ARHGAP15: variants seen among roughly 807,000 people sequenced by gnomAD.
ARHGAP15 encodes the protein rho GTPase-activating protein 15.
Under a neutral mutation model 63.7 loss-of-function variants are expected in ARHGAP15, and 51 were observed. The ratio of observed to expected loss-of-function variants is 0.80; its 90% confidence interval spans 0.64 to 1.01. The LOEUF (loss-of-function observed/expected upper bound fraction) is 1.01, where lower values mean the gene tolerates loss of function less well. Among genes scored for constraint, ARHGAP15 ranks in the 50% least tolerant of loss-of-function variants. ARHGAP15 has a pLI of 0.00. For missense variants in ARHGAP15, 560 were observed against 564.6 expected (o/e 0.99, Z 0.08); for synonymous variants, 191 against 193.8 (o/e 0.99, Z 0.12).
intron 2 of ARHGAP15, among the ~76,000 whole-genome samples, chr2:143,160,144 C>A (rs1690233401): frequency 6.6e-6 from 1 of 151,850 alleles, no homozygotes; most frequent in African/African-American, 2.4e-5. Flanking sequence ...TTATCTAGCT[C>A]TGTAGTACAG....
At chr2:143,751,535 G>C (rs1355698944) in intron 13 of ARHGAP15, among the ~76,000 whole-genome samples, 1 of 152,148 alleles carries the variant, frequency 6.6e-6, no homozygotes, top group Admixed American at 6.5e-5. Context: ...GATCTTTGAA[G>C]GGGAATCTTT....
intron 1 of ARHGAP15, among the ~76,000 whole-genome samples, chr2:143,137,751 G>A (rs906510170): frequency 6.6e-5 from 10 of 151,996 alleles, no homozygotes; most frequent in Admixed American, 5.9e-4. Flanking sequence ...CTTTAAAAGA[G>A]CTATGGAAGG....
chr2:143,419,464 C>CAAAATGTGGAAACAAT, intron 6 of ARHGAP15, among the ~76,000 whole-genome samples: 1 of 152,086 alleles, frequency 6.6e-6, no homozygotes, highest in African/African-American at 2.4e-5. Flanking sequence ...GTTTATTTAA[C>CAAAATGTGGAAACAAT]TAAATTGTGG....
At chr2:143,230,666 G>A (rs186066984) in intron 5 of ARHGAP15, among the ~76,000 whole-genome samples, 1 of 152,164 alleles carries the variant, frequency 6.6e-6, no homozygotes, top group Non-Finnish European at 1.5e-5. Context: ...GAATTGACTT[G>A]CTAGTCAACT....
At chr2:143,765,586 C>A (rs542109717) in intron 13 of ARHGAP15, among the ~76,000 whole-genome samples, 1 of 152,244 alleles carries the variant, frequency 6.6e-6, no homozygotes, top group Non-Finnish European at 1.5e-5. Flanking sequence ...AATATTCAGT[C>A]TAAATTTGAG....
intron 11 of ARHGAP15, among the ~76,000 whole-genome samples, chr2:143,562,016 A>G (rs768020282): frequency 9.9e-5 from 15 of 152,202 alleles, no homozygotes; most frequent in Non-Finnish European, 1.9e-4. Context: ...AGATATCTTT[A>G]TCTACCCAGA....
intron 6 of ARHGAP15, among the ~76,000 whole-genome samples, chr2:143,425,762 T>A (rs113308666): frequency 2.6e-5 from 4 of 151,918 alleles, no homozygotes; most frequent in South Asian, 2.1e-4. Flanking sequence ...GATAGTTAGT[T>A]TCATTCCTAA....
chr2:143,404,603 AAC>A (rs1163621549), intron 6 of ARHGAP15, among the ~76,000 whole-genome samples: 1 of 151,924 alleles, frequency 6.6e-6, no homozygotes, highest in Non-Finnish European at 1.5e-5. Context: ...ATTTGATTTA[AAC>A]AGTCTTTGTT....
intron 3 of ARHGAP15, among the ~76,000 whole-genome samples, chr2:143,205,097 A>T (rs1692277099): frequency 6.6e-6 from 1 of 151,820 alleles, no homozygotes; most frequent in Admixed American, 6.6e-5. Flanking sequence ...CCCCATCTTT[A>T]CTAAAAATTA....
chr2:143,589,763 GA>G (rs1247117038), intron 11 of ARHGAP15, among the ~76,000 whole-genome samples: 2 of 152,152 alleles, frequency 1.3e-5, no homozygotes, highest in Non-Finnish European at 2.9e-5. Flanking sequence ...CTGTTCAAAA[GA>G]CTTTTGGAGC....
At chr2:143,349,808 A>T (rs16822375) in intron 6 of ARHGAP15, among the ~76,000 whole-genome samples, 18,386 of 152,182 alleles carry the variant, frequency 0.12, 1,495 homozygotes, top group African/African-American at 0.23. Flanking sequence ...ATGGTTGAGC[A>T]AGTGCATTAC....
At chr2:143,342,530 A>G (rs538780234) in intron 6 of ARHGAP15, among the ~76,000 whole-genome samples, 1 of 152,168 alleles carries the variant, frequency 6.6e-6, no homozygotes, top group South Asian at 2.1e-4. Context: ...ATGATTCTTC[A>G]GTGTTATTGT....
At chr2:143,638,750 T>G (rs959129807) in intron 12 of ARHGAP15, among the ~76,000 whole-genome samples, 4 of 149,236 alleles carry the variant, frequency 2.7e-5, no homozygotes, top group Admixed American at 2.0e-4. Context: ...TCTCTAGACA[T>G]TTGGACAACA....
intron 5 of ARHGAP15, chr2:143,237,661 A>G (rs1310111645): frequency 2.0e-5 from 3 of 152,290 alleles, no homozygotes; most frequent in East Asian, 3.9e-4. Flanking sequence ...GACGCTGTGG[A>G]ACTCATTGTC....
At chr2:143,489,218 T>TA (rs1286075519) in intron 9 of ARHGAP15, among the ~76,000 whole-genome samples, 6 of 152,236 alleles carry the variant, frequency 3.9e-5, no homozygotes, top group Non-Finnish European at 8.8e-5. Context: ...TACAGTGCTC[T>TA]AGAATTGGTC....
chr2:143,474,312 C>T (rs1322910875), intron 8 of ARHGAP15, among the ~76,000 whole-genome samples: 1 of 152,136 alleles, frequency 6.6e-6, no homozygotes, highest in African/African-American at 2.4e-5. Context: ...TCACCCCCCA[C>T]CCTTGAGGCA....
chr2:143,554,094 T>C (rs1695686403), intron 10 of ARHGAP15, among the ~76,000 whole-genome samples: 1 of 152,182 alleles, frequency 6.6e-6, no homozygotes, highest in South Asian at 2.1e-4. Context: ...TTTATTGTAA[T>C]AGATATTCAC....
At chr2:143,708,815 A>G (rs1684446497) in intron 13 of ARHGAP15, among the ~76,000 whole-genome samples, 1 of 152,088 alleles carries the variant, frequency 6.6e-6, no homozygotes, top group Non-Finnish European at 1.5e-5. Flanking sequence ...TCTCAGAGTG[A>G]TTTTCATGAT....
intron 13 of ARHGAP15, among the ~76,000 whole-genome samples, chr2:143,754,133 A>T (rs1553537194): frequency 6.6e-6 from 1 of 152,084 alleles, no homozygotes; most frequent in Non-Finnish European, 1.5e-5. Context: ...TTTTCTGGTG[A>T]TGTTGTTAGT....
Sources: allele counts gnomAD v4.1 joint callset (sites outside exome capture counted in the v4.1 genomes callset), GRCh38; gene constraint gnomAD v4.1.1; transcripts MANE v1.5; gene names NCBI Gene and HGNC (gene_info 2026-07-23, HGNC 2026-07-21).